GRID1: variants seen among roughly 807,000 people sequenced by gnomAD.
GRID1 encodes the protein glutamate receptor ionotropic, delta-1.
GRID1 carries 28 observed loss-of-function variants against 98.0 expected under a neutral mutation model. The ratio of observed to expected loss-of-function variants is 0.29; its 90% CI spans 0.21 to 0.39. GRID1 has a LOEUF of 0.39. Among genes scored for constraint, GRID1 ranks in the 10% least tolerant of loss-of-function variants. The pLI, the probability that GRID1 is intolerant of heterozygous loss-of-function variation, is 1.00. For synonymous variants in GRID1, 553 were observed against 538.5 expected, an observed-to-expected ratio of 1.03 and a Z score of -0.37; for missense variants, 1,111 against 1,340.5, an observed-to-expected ratio of 0.83 and a Z score of 2.67.
chr10:86,052,133 C>T (rs180932684), intron 4 of GRID1, among the ~76,000 whole-genome samples: 12 of 151,888 alleles, frequency 7.9e-5, no homozygotes, highest in African/African-American at 2.9e-4. Flanking sequence ...CTTTCTAATA[C>T]GGAAATACCT....
intron 4 of GRID1, among the ~76,000 whole-genome samples, chr10:86,049,494 G>A (rs1489267396): frequency 6.6e-6 from 1 of 152,194 alleles, no homozygotes; most frequent in Non-Finnish European, 1.5e-5. Flanking sequence ...TGAGATTGGG[G>A]GACTGAACTA....
chr10:86,206,346 G>A lies in GRID1; in HGVS notation c.520+18C>T, dbSNP rs761131939. ...CCCTGTCCCCAAGCAGCCCCAGCTC[G>A]CCTGCCGGACAACTCACCATACTCG... On this transcript the variant is annotated intron_variant, in intron 3 of 15. Transcript: ENST00000327946. The surrounding 1 kb of genome is among the most constrained non-coding windows in gnomAD (Gnocchi z 4.1). The A allele has an allele frequency of 5.1e-6, 8 of 1,573,968 alleles. No homozygotes were observed. Among genetic ancestry groups the A allele is most frequent in the Non-Finnish European group, 6.1e-6 (7 of 1,156,638 alleles).
intron 3 of GRID1, among the ~76,000 whole-genome samples, chr10:86,149,624 C>T (rs142940649): frequency 1.3e-5 from 2 of 152,200 alleles, no homozygotes; most frequent in African/African-American, 4.8e-5. Flanking sequence ...TTAAAATAAA[C>T]GTCTACTCTG....
chr10:85,630,852 G>A (rs145021222), intron 13 of GRID1, among the ~76,000 whole-genome samples: 110 of 152,296 alleles, frequency 7.2e-4, no homozygotes, highest in African/African-American at 2.4e-3. Context: ...AAGTCAAGAT[G>A]TAATGACTTA....
intron 3 of GRID1, among the ~76,000 whole-genome samples, chr10:86,160,159 C>A (rs1845301700): frequency 6.6e-6 from 1 of 152,202 alleles, no homozygotes; most frequent in Non-Finnish European, 1.5e-5. Flanking sequence ...GGTCTGATTT[C>A]TACACAAAGG....
At chr10:86,364,835 T>C (rs1317217307) in intron 1 of GRID1, among the ~76,000 whole-genome samples, 1 of 152,210 alleles carries the variant, frequency 6.6e-6, no homozygotes. Flanking sequence ...AAGGAGCTGC[T>C]CTTGAAGGGC....
chr10:86,133,143 C>T (rs1240598233), intron 4 of GRID1, among the ~76,000 whole-genome samples: 1 of 152,234 alleles, frequency 6.6e-6, no homozygotes, highest in Non-Finnish European at 1.5e-5. Flanking sequence ...CCAGACTGTT[C>T]TGCCACCAGC....
chr10:85,712,739 C>T (rs946291703), intron 12 of GRID1, among the ~76,000 whole-genome samples: 7 of 151,594 alleles, frequency 4.6e-5, no homozygotes, highest in Non-Finnish European at 8.9e-5. Flanking sequence ...AGCCACAATG[C>T]TATGAAACTA....
At chr10:85,860,939 T>C (rs1843158505) in intron 6 of GRID1, among the ~76,000 whole-genome samples, 1 of 152,228 alleles carries the variant, frequency 6.6e-6, no homozygotes, top group African/African-American at 2.4e-5. Flanking sequence ...GGAATGCAGA[T>C]GGTAATACCC....
intron 8 of GRID1, among the ~76,000 whole-genome samples, chr10:85,827,409 T>C (rs1842829739): frequency 6.6e-6 from 1 of 151,856 alleles, no homozygotes; most frequent in East Asian, 1.9e-4. Flanking sequence ...ATTCTCTTAA[T>C]TAAATCAGTC....
At chr10:85,687,411 T>C (rs1430189026) in intron 12 of GRID1, among the ~76,000 whole-genome samples, 2 of 152,156 alleles carry the variant, frequency 1.3e-5, no homozygotes, top group Non-Finnish European at 2.9e-5. Flanking sequence ...AACATGTTAG[T>C]AATTGTTATT....
At chr10:85,887,865 C>T (rs929430973) in intron 5 of GRID1, among the ~76,000 whole-genome samples, 5 of 152,092 alleles carry the variant, frequency 3.3e-5, no homozygotes, top group African/African-American at 9.7e-5. Context: ...AAAAACTAAA[C>T]GTCTTTCTAC....
intron 5 of GRID1, among the ~76,000 whole-genome samples, chr10:85,884,195 CT>C (rs1564618130): frequency 6.6e-6 from 1 of 152,024 alleles, no homozygotes; most frequent in East Asian, 1.9e-4. Context: ...TTATATCTGG[CT>C]TTTTTGGTCA....
chr10:85,625,681 G>A (rs1182507694), intron 13 of GRID1, among the ~76,000 whole-genome samples: 2 of 152,036 alleles, frequency 1.3e-5, no homozygotes, highest in Non-Finnish European at 2.9e-5. Context: ...GTTGCAAAAG[G>A]AAAAAAATTG....
At chr10:85,611,882 C>T (rs956107775) in intron 15 of GRID1, among the ~76,000 whole-genome samples, 1 of 152,248 alleles carries the variant, frequency 6.6e-6, no homozygotes, top group Non-Finnish European at 1.5e-5. Context: ...AAGCTTGGGA[C>T]AGAACCATCA....
chr10:86,165,690 C>T (rs1474089659), intron 3 of GRID1, among the ~76,000 whole-genome samples: 1 of 152,182 alleles, frequency 6.6e-6, no homozygotes, highest in Non-Finnish European at 1.5e-5. Context: ...GAGTTGAGAT[C>T]AAGGTGAGTG....
At chr10:86,104,069 T>C (rs1013394848) in intron 4 of GRID1, among the ~76,000 whole-genome samples, 1 of 152,196 alleles carries the variant, frequency 6.6e-6, no homozygotes. Context: ...TGCATACTTG[T>C]TCCAGTCTGG....
At chr10:85,967,907 A>G (rs773427010) in intron 4 of GRID1, among the ~76,000 whole-genome samples, 10 of 152,234 alleles carry the variant, frequency 6.6e-5, no homozygotes, top group Non-Finnish European at 1.3e-4. Flanking sequence ...CAAGAATTTT[A>G]TATCTGGCAA....
intron 13 of GRID1, among the ~76,000 whole-genome samples, chr10:85,634,986 C>T (rs1252753306): frequency 1.6e-5 from 1 of 61,264 alleles, no homozygotes; most frequent in African/African-American, 6.5e-5. Context: ...AATTACAGGG[C>T]AGAGGAAATC....
Sources: gnomAD v4.1 joint callset for allele counts (sites outside exome capture counted in the v4.1 genomes callset) on GRCh38, gnomAD v4.1.1 for gene constraint, Gnocchi (gnomAD v3.1) non-coding constraint, MANE v1.5 for transcripts, NCBI Gene and HGNC (gene_info 2026-07-23, HGNC 2026-07-21) for gene names.